The following INPP5F variants were observed in gnomAD, a reference collection of about 807,000 sequenced individuals.
INPP5F encodes the protein phosphatidylinositide 4-phosphatase SAC2.
INPP5F carries 97 observed loss-of-function variants against 137.2 expected under a neutral mutation model. The observed-to-expected ratio is 0.71, with a 90% confidence interval of 0.60 to 0.84. The LOEUF is 0.84. Ranked by LOEUF, INPP5F falls within the 40% of genes least tolerant of loss-of-function variation. The pLI is 0.00. For missense variants in INPP5F, 1,271 were observed against 1,371.9 expected (o/e 0.93, Z 1.16); for synonymous variants, 504 against 476.9 (o/e 1.06, Z -0.74).
At chr10:119,773,091 C>G (rs1157191218) in intron 2 of INPP5F, among the ~76,000 whole-genome samples, 1 of 151,948 alleles carries the variant, frequency 6.6e-6, no homozygotes, top group Admixed American at 6.6e-5. Flanking sequence ...GTGTCTTACT[C>G]TGTTGCCCAG....
chr10:119,827,025 G>T lies in INPP5F; in HGVS notation c.2644G>T (p.Val882Leu). 1 of 1,614,162 alleles carries T rather than the reference G, an allele frequency of 6.2e-7. No individual in the cohort carries two copies. The highest frequency in any genetic ancestry group is 1.7e-5 in the Admixed American group (1 of 60,018). The change falls in exon 20 of 20, where the codon GTA (valine) becomes TTA (leucine). Residue 882 changes from valine to leucine, a missense_variant. Val to Leu is a conservative substitution (Grantham distance 32). Coordinates refer to ENST00000650623, the MANE Select transcript of INPP5F (RefSeq NM_014937.4). ...DRQLANSLES[V>L]GPIDYVLPSC... ...GCAGCTAGCTAACTCATTAGAGAGT[G>T]TAGGGCCAATAGATTACGTTCTTCC... is the stretch of plus-strand genomic sequence containing the variant.
chr10:119,809,003 C>T (rs1850915975), intron 13 of INPP5F, among the ~76,000 whole-genome samples: 1 of 152,136 alleles, frequency 6.6e-6, no homozygotes. Context: ...GCGGGTGGAT[C>T]ACCTGAGGTC....
At chr10:119,790,493 T>A (rs531724105) in intron 3 of INPP5F, among the ~76,000 whole-genome samples, 38 of 152,338 alleles carry the variant, frequency 2.5e-4, no homozygotes, top group African/African-American at 8.7e-4. Flanking sequence ...GAGATCCCAT[T>A]GCACATGAAA....
intron 2 of INPP5F, among the ~76,000 whole-genome samples, chr10:119,752,153 T>G (rs1848706490): frequency 6.6e-6 from 1 of 152,232 alleles, no homozygotes; most frequent in African/African-American, 2.4e-5. Context: ...AATCTAATTT[T>G]CCTTTGCTAG....
At chr10:119,750,326 C>T (rs886524718) in intron 1 of INPP5F, among the ~76,000 whole-genome samples, 4 of 152,174 alleles carry the variant, frequency 2.6e-5, no homozygotes, top group Non-Finnish European at 4.4e-5. Context: ...ACAAATGTTA[C>T]GTTTATTACC....
At chr10:119,777,280 C>T (rs749525868) in intron 2 of INPP5F, among the ~76,000 whole-genome samples, 9 of 152,048 alleles carry the variant, frequency 5.9e-5, no homozygotes, top group East Asian at 1.9e-4. Context: ...GAGGCCAAGT[C>T]GGGCGCATCA....
At chr10:119,817,067 A>T (rs1478765633) in intron 15 of INPP5F, among the ~76,000 whole-genome samples, 1 of 152,158 alleles carries the variant, frequency 6.6e-6, no homozygotes, top group Non-Finnish European at 1.5e-5. Context: ...TATTCTAGAC[A>T]TTTCATTCAA....
At position 119,809,314 on chromosome 10, in the gene INPP5F, C is replaced by T. The variant is rs551125696; in HGVS notation, c.1570-786C>T. 4.0e-5 allele frequency among the ~76,000 whole-genome samples: 6 copies of T among 150,478 alleles called. No homozygotes were observed. The East Asian group carries it at 7.8e-4, about 20-fold the overall frequency. On this transcript the variant is annotated intron_variant, in intron 13 of 19. Coordinates refer to ENST00000650623, the MANE Select transcript of INPP5F (RefSeq NM_014937.4). Reference sequence around the variant, plus strand: ...TTTGCCCCTTGATTTTAAACTTCTTCGGGATGAGTATTATACCTTTTTTCT... The same window carrying T: ...TTTGCCCCTTGATTTTAAACTTCTTTGGGATGAGTATTATACCTTTTTTCT...
At chr10:119,771,725 T>C (rs12772384) in intron 2 of INPP5F, among the ~76,000 whole-genome samples, 8,754 of 151,018 alleles carry the variant, frequency 0.058, 327 homozygotes, top group South Asian at 0.22. Context: ...TAAGTATTAC[T>C]TTTAACAAAG....
intron 2 of INPP5F, among the ~76,000 whole-genome samples, chr10:119,773,702 C>T (rs1849433122): frequency 6.6e-6 from 1 of 152,060 alleles, no homozygotes; most frequent in Non-Finnish European, 1.5e-5. Context: ...TTAAATCCCC[C>T]TCTTGCTCTG....
chr10:119,751,840 A>G (rs887531903), intron 2 of INPP5F, among the ~76,000 whole-genome samples: 1 of 152,244 alleles, frequency 6.6e-6, no homozygotes, highest in Non-Finnish European at 1.5e-5. Flanking sequence ...TACGTTGCCC[A>G]GACTGGTCTC....
At chr10:119,793,394 TAAAAC>T (rs59082717) in intron 6 of INPP5F, among the ~76,000 whole-genome samples, 49,268 of 149,420 alleles carry the variant, frequency 0.33, 8,548 homozygotes, top group East Asian at 0.54. Context: ...GCAGGCTGCA[TAAAAC>T]AAAACAAAAC....
intron 6 of INPP5F, among the ~76,000 whole-genome samples, chr10:119,793,918 T>TA (rs1205970717): frequency 6.6e-6 from 1 of 152,262 alleles, no homozygotes; most frequent in African/African-American, 2.4e-5. Flanking sequence ...GTGCTGGGAT[T>TA]ACAGGCATTG....
At chr10:119,818,601 GATGCGCAGGATGGAGCGCGC>G (rs1248376359) in intron 15 of INPP5F, 5 of 152,378 alleles carry the variant, frequency 3.3e-5, no homozygotes, top group Non-Finnish European at 7.3e-5. Context: ...GTAGGCGTAG[GATGCGCAGGATGGAGCGCGC>G]ATGCGCACTG....
At chr10:119,818,158 A>G (rs1472659952) in intron 15 of INPP5F, among the ~76,000 whole-genome samples, 1 of 152,222 alleles carries the variant, frequency 6.6e-6, no homozygotes, top group African/African-American at 2.4e-5. Flanking sequence ...GACAGACTCC[A>G]TCGTGGCCAG....
chr10:119,824,491 C>T (rs1273985478), intron 19 of INPP5F, among the ~76,000 whole-genome samples: 1 of 152,176 alleles, frequency 6.6e-6, no homozygotes, highest in Non-Finnish European at 1.5e-5. Context: ...ACAGAAGCCA[C>T]GTGCACTTCT....
chr10:119,731,876 C>G (rs1766696457), intron 1 of INPP5F, among the ~76,000 whole-genome samples: 1 of 152,056 alleles, frequency 6.6e-6, no homozygotes, highest in African/African-American at 2.4e-5. Flanking sequence ...TTTTATATTG[C>G]TGACAGGCTA....
chr10:119,821,025 A>G, intron 16 of INPP5F, 108 bp downstream of exon 16: 1 of 719,794 alleles, frequency 1.4e-6, no homozygotes, highest in South Asian at 1.6e-5. Context: ...TTTGTTATGT[A>G]TTTTATGAAA....
intron 6 of INPP5F, chr10:119,793,528 A>T (rs1358090802): frequency 6.6e-6 from 1 of 151,486 alleles, no homozygotes; most frequent in African/African-American, 2.4e-5. Context: ...TTACGGAGAT[A>T]AGAGAGAAAG....
Sources: gnomAD v4.1 joint callset for allele counts (sites outside exome capture counted in the v4.1 genomes callset) on GRCh38, gnomAD v4.1.1 for gene constraint, MANE v1.5 for transcripts, NCBI Gene and HGNC (gene_info 2026-07-23, HGNC 2026-07-21) for gene names.